The following SLC36A3 variants were observed in gnomAD, a reference collection of about 807,000 sequenced individuals.
The protein encoded by SLC36A3 is solute carrier family 36 member 3.
SLC36A3 carries 35 observed loss-of-function variants against 44.3 expected under a neutral mutation model. The ratio of observed to expected loss-of-function variants is 0.79; its 90% CI spans 0.60 to 1.05. The LOEUF (loss-of-function observed/expected upper bound fraction) is 1.05, where lower values mean the gene tolerates loss of function less well. Ranked by LOEUF, SLC36A3 falls within the 50% of genes least tolerant of loss-of-function variation. The probability of loss-of-function intolerance (pLI) is 0.00; values close to 1 mark genes in which losing one functional copy is unlikely to be tolerated. For synonymous variants in SLC36A3, 211 were observed against 227.6 expected, an observed-to-expected ratio of 0.93 and a Z score of 0.66; for missense variants, 540 against 578.7, an observed-to-expected ratio of 0.93 and a Z score of 0.69.
chr5:151,277,422 T>A lies in SLC36A3; in HGVS notation c.1384A>T (p.Met462Leu). 6.2e-7 allele frequency: 1 copy of A among 1,614,164 alleles called. No homozygotes were observed. The change falls in exon 10 of 10, where the codon ATG (methionine) becomes TTG (leucine). Residue 462 changes from methionine to leucine, a missense_variant. Coordinates refer to ENST00000335230, the MANE Select transcript of SLC36A3 (RefSeq NM_181774.4). ...YELPQPISHS[M>L]ANSTGVHA ...GCATGGACACCTGTGGAGTTGGCCA[T>A]GGAATGGCTGATGGGTTGGGGCAAC...
chr5:151,280,577 G>A (rs1428749571), intron 9 of SLC36A3, among the ~76,000 whole-genome samples: 3 of 152,184 alleles, frequency 2.0e-5, no homozygotes, highest in Non-Finnish European at 4.4e-5. Context: ...GAAGAAATAT[G>A]GCACCATGAA....
intron 9 of SLC36A3, among the ~76,000 whole-genome samples, chr5:151,277,967 A>G (rs770502121): frequency 7.8e-4 from 119 of 152,312 alleles, no homozygotes; most frequent in South Asian, 6.2e-4. Context: ...TCTAGAAGGA[A>G]CAGGACTTGT....
rs750178280 is a variant in SLC36A3, at chr5:151,287,326, T to A, written c.628A>T (p.Lys210Ter). Reference sequence around the variant, plus strand: ...AATGTCGAGAAGACGGACAGCACCTTGAGGTTCTGGATAAACACCAACAGG... The same window carrying A: ...AATGTCGAGAAGACGGACAGCACCTAGAGGTTCTGGATAAACACCAACAGG... ...LILLVFIQNL[K>*]VLSVFSTLAN... Residue 210 changes from lysine to a stop codon, truncating the protein, a stop_gained, in exon 6 of 10, where the codon AAG (lysine) becomes TAG (stop). Transcript: ENST00000335230. LOFTEE classifies it high-confidence loss of function. 1 of 1,614,166 alleles carries A rather than the reference T, an allele frequency of 6.2e-7. No homozygotes were observed. The highest frequency in any genetic ancestry group is 1.1e-5 in the South Asian group (1 of 91,080).
chr5:151,303,396 C>T lies in SLC36A3; in HGVS notation c.-42G>A. 6.3e-7 allele frequency: 1 copy of T among 1,588,948 alleles called. No individual in the cohort carries two copies. Among genetic ancestry groups the T allele is most frequent in the South Asian group, 1.1e-5 (1 of 88,140 alleles). The stretch of plus-strand genomic sequence containing the variant: ...AGGTGGCAGAGGCTCAGGGTTAAGG[C>T]TCTGAATGAGCCTCTGATGGGTCTT... On this transcript the variant is annotated 5_prime_UTR_variant, in exon 1 of 10. Coordinates refer to ENST00000335230, the MANE Select transcript of SLC36A3 (RefSeq NM_181774.4).
intron 8 of SLC36A3, among the ~76,000 whole-genome samples, chr5:151,281,792 A>G (rs1244671831): frequency 6.6e-6 from 1 of 152,050 alleles, no homozygotes; most frequent in African/African-American, 2.4e-5. Flanking sequence ...CACTCACTCC[A>G]GCCTGGGCAA....
In SLC36A3 at chr5:151,277,001, C is replaced by T. The variant is rs760398087; in HGVS notation, c.*392G>A. On this transcript the variant is annotated 3_prime_UTR_variant, in exon 10 of 10. Coordinates refer to ENST00000335230, the MANE Select transcript of SLC36A3 (RefSeq NM_181774.4). Reference sequence around the variant, plus strand: ...GAATATCTAAATAGAAAACTCCCTTCGCCCAACATACACTTTTCTAAATCT... The same window carrying T: ...GAATATCTAAATAGAAAACTCCCTTTGCCCAACATACACTTTTCTAAATCT... 1.9e-4 allele frequency: 36 copies of T among 191,574 alleles called. No individual in the cohort carries two copies. The highest frequency in any genetic ancestry group is 1.2e-3 in the East Asian group (10 of 8,284). The allele number at this position is 191,574 out of a possible 1,614,324, so 11.9% of individuals were successfully genotyped here.
At position 151,277,559 on chromosome 5, in the gene SLC36A3, A is replaced by G; in HGVS notation, c.1247T>C (p.Ile416Thr). Residue 416 changes from isoleucine (I) to threonine (T), a missense_variant, in exon 10 of 10, where the codon ATC (isoleucine) becomes ACC (threonine). Transcript: ENST00000335230. ...LALIIPALLE[I>T]VIFYSEDMSC... ...CATGTCCTCAGAGTAAAAGATGACG[A>G]TCTCCAGGAGGGCTGGGATGATGAG... The G allele has an allele frequency of 1.2e-6, 2 of 1,614,178 alleles. No individual in the cohort carries two copies. The highest frequency in any genetic ancestry group is 1.7e-6 in the Non-Finnish European group (2 of 1,180,030).
intron 4 of SLC36A3, among the ~76,000 whole-genome samples, chr5:151,291,352 C>G (rs1440615249): frequency 6.6e-6 from 1 of 152,116 alleles, no homozygotes; most frequent in African/African-American, 2.4e-5. Flanking sequence ...AAATATCTGT[C>G]TTACAGTTGG....
intron 1 of SLC36A3, among the ~76,000 whole-genome samples, chr5:151,301,528 C>A (rs886504567): frequency 2.0e-5 from 3 of 152,036 alleles, no homozygotes; most frequent in Non-Finnish European, 4.4e-5. Context: ...CACTTCGAGC[C>A]CCTGTGATTC....
chr5:151,288,969 A>C (rs942768102), intron 4 of SLC36A3: 1 of 153,290 alleles, frequency 6.5e-6, no homozygotes, highest in African/African-American at 2.4e-5. Flanking sequence ...CTTGGGCAGG[A>C]GAATTGCTTG....
intron 8 of SLC36A3, among the ~76,000 whole-genome samples, chr5:151,283,133 G>A (rs1472113741): frequency 3.9e-5 from 6 of 152,162 alleles, no homozygotes; most frequent in East Asian, 1.9e-4. Context: ...TGATCCACCC[G>A]CCTCAGCCTC....
chr5:151,299,379 A>T (rs1299933124), intron 1 of SLC36A3, among the ~76,000 whole-genome samples: 1 of 143,716 alleles, frequency 7.0e-6, no homozygotes, highest in Non-Finnish European at 1.5e-5. Flanking sequence ...GGTGATATAT[A>T]TATATATATA....
chr5:151,288,073 A>G (rs185034669), intron 5 of SLC36A3, among the ~76,000 whole-genome samples: 183 of 152,364 alleles, frequency 1.2e-3, no homozygotes, highest in Admixed American at 2.9e-3. Flanking sequence ...GACATCTTCT[A>G]CATGACAACC....
intron 3 of SLC36A3, among the ~76,000 whole-genome samples, chr5:151,294,545 G>A (rs997973680): frequency 2.0e-5 from 3 of 151,984 alleles, no homozygotes; most frequent in East Asian, 1.9e-4. Context: ...AGAAGCAGTC[G>A]GTTGTCTAAC....
Position 151,277,418 on chromosome 5 carries a change from G to T in SLC36A3, c.1388C>A (p.Ala463Asp). 1 of 1,614,192 alleles carries T rather than the reference G, an allele frequency of 6.2e-7. No homozygotes were observed. Among genetic ancestry groups the T allele is most frequent in the Admixed American group, 1.7e-5 (1 of 60,020 alleles). Residue 463 changes from alanine to aspartate, a missense_variant, in exon 10 of 10, where the codon GCC (alanine) becomes GAC (aspartate). Coordinates refer to ENST00000335230, the MANE Select transcript of SLC36A3 (RefSeq NM_181774.4). Reference sequence around the variant, plus strand: ...TTATGCATGGACACCTGTGGAGTTGGCCATGGAATGGCTGATGGGTTGGGG... The same window carrying T: ...TTATGCATGGACACCTGTGGAGTTGTCCATGGAATGGCTGATGGGTTGGGG... ...ELPQPISHSM[A>D]NSTGVHA
chr5:151,289,177 G>A (rs1754665671), intron 4 of SLC36A3: 2 of 151,976 alleles, frequency 1.3e-5, no homozygotes, highest in Non-Finnish European at 1.5e-5. Context: ...CATATATACA[G>A]TTTCTATTTT....
intron 4 of SLC36A3, among the ~76,000 whole-genome samples, chr5:151,292,952 C>G (rs1754812839): frequency 6.6e-6 from 1 of 152,126 alleles, no homozygotes; most frequent in African/African-American, 2.4e-5. Flanking sequence ...CCATTGCACT[C>G]CAGCCTGAGC....
chr5:151,299,223 GCGCTCT>G (rs1755066312), intron 1 of SLC36A3, among the ~76,000 whole-genome samples: 1 of 94,762 alleles, frequency 1.1e-5, no homozygotes, highest in African/African-American at 4.3e-5. Context: ...AATTGCTTGT[GCGCTCT>G]CTCTCTCTCT....
In SLC36A3 at chr5:151,284,071, C is replaced by T; in HGVS notation, c.947G>A (p.Ser316Asn). The T allele has an allele frequency of 6.2e-7, 1 of 1,612,980 alleles. No individual in the cohort carries two copies. Among genetic ancestry groups the T allele is most frequent in the Non-Finnish European group, 8.5e-7 (1 of 1,179,576 alleles). Residue 316 changes from serine to asparagine, a missense_variant, in exon 8 of 10, where the codon AGC becomes AAC. Physicochemically the swap from Ser to Asn is conservative, Grantham distance 46. Coordinates refer to ENST00000335230, the MANE Select transcript of SLC36A3 (RefSeq NM_181774.4). ...GCAATTGGGCAAGTTGAGGGTGATG[C>T]TGGCCTGGGTGTCTGACCCAAACTT... ...YMKFGSDTQA[S>N]ITLNLPNCWL...
Sources: allele counts gnomAD v4.1 joint callset (sites outside exome capture counted in the v4.1 genomes callset), GRCh38; gene constraint gnomAD v4.1.1; transcripts MANE v1.5; gene names NCBI Gene and HGNC (gene_info 2026-07-23, HGNC 2026-07-21).